Variants in SVIL observed in about 807,000 individuals in gnomAD.
SVIL encodes archvillin.
Under a neutral mutation model 240.4 loss-of-function variants are expected in SVIL, and 101 were observed. The observed-to-expected ratio is 0.42, with a 90% CI of 0.36 to 0.50. The LOEUF is 0.50. Among genes scored for constraint, SVIL ranks in the 20% least tolerant of loss-of-function variants. SVIL has a pLI of 0.01. For missense variants in SVIL, 2,512 were observed against 2,818.7 expected, an observed-to-expected ratio of 0.89 and a Z score of 2.46; for synonymous variants, 999 against 1,100.0, an observed-to-expected ratio of 0.91 and a Z score of 1.82.
rs190467860 is a variant in SVIL, at chr10:29,681,348, C to T, written c.-301+5205G>A. Among the ~76,000 whole-genome samples, 246 of 151,466 alleles carry T rather than the reference C, an allele frequency of 1.6e-3. 4 individuals carry two copies. The highest frequency in any genetic ancestry group is 0.012 in the South Asian group (57 of 4,750). ...TAGCTGGTGATGGAAAGAGAGTCTCCAGCCACCACAGCACAAAGCATGACA... is the reference window on the plus strand; with the variant it reads ...TAGCTGGTGATGGAAAGAGAGTCTCTAGCCACCACAGCACAAAGCATGACA... On this transcript the variant is annotated intron_variant, in intron 2 of 35. Transcript: ENST00000375400.
intron 2 of SVIL, among the ~76,000 whole-genome samples, chr10:29,663,929 G>A (rs1286868285): frequency 1.3e-5 from 2 of 152,172 alleles, no homozygotes; most frequent in East Asian, 1.9e-4. Flanking sequence ...TCAAGGAGAG[G>A]GAGCTAAAAT....
At position 29,457,947 on chromosome 10, in the gene SVIL, G is replaced by T; in HGVS notation, c.*300C>A. 4 of 200,228 alleles carry T rather than the reference G, an allele frequency of 2.0e-5. No homozygotes were observed. Among genetic ancestry groups the T allele is most frequent in the Non-Finnish European group, 2.9e-5 (3 of 102,148 alleles). The allele number at this position is 200,228 out of a possible 1,614,324, so 12.4% of individuals were successfully genotyped here. On this transcript the variant is annotated 3_prime_UTR_variant, in exon 38 of 38. Coordinates refer to ENST00000355867, the MANE Select transcript of SVIL (RefSeq NM_021738.3). ...TTCAAAAAAAAAAAAAAAAGGCATT[G>T]CCTAGCTGGAACAAGAAGGCAGTGC...
At position 29,544,785 on chromosome 10, in the gene SVIL, AGAATTGTCACTT is replaced by A. The variant is rs1952490553; in HGVS notation, c.827+5800_827+5811del. Among the ~76,000 whole-genome samples the A allele has an allele frequency of 2.6e-5, 4 of 151,202 alleles. No individual in the cohort carries two copies. In the South Asian group the frequency reaches 8.4e-4, roughly 32 times the overall value. Reference sequence around the variant, plus strand: ...AAAAAAAAAAAAAAAAAAAAGAATAAGAATTGTCACTTGACAATAAGAACAGGATGAAATGAA... The same window carrying A: ...AAAAAAAAAAAAAAAAAAAAGAATAAGACAATAAGAACAGGATGAAATGAA... On this transcript the variant is annotated intron_variant, in intron 6 of 37. Coordinates refer to ENST00000355867, the MANE Select transcript of SVIL (RefSeq NM_021738.3).
chr10:29,576,042 T>C, intron 1 of SVIL: 5 of 931,888 alleles, frequency 5.4e-6, no homozygotes, highest in Non-Finnish European at 6.4e-6. Context: ...TACAATAATA[T>C]GTGTTTTCCC....
chr10:29,608,210 G>T (rs181052882), intron 1 of SVIL, among the ~76,000 whole-genome samples: 1 of 152,200 alleles, frequency 6.6e-6, no homozygotes, highest in Non-Finnish European at 1.5e-5. Flanking sequence ...CTTCTCTGCT[G>T]CAAGAGGGAC....
chr10:29,545,949 T>C (rs939249441), intron 6 of SVIL, among the ~76,000 whole-genome samples: 14 of 151,742 alleles, frequency 9.2e-5, no homozygotes, highest in African/African-American at 3.1e-4. Flanking sequence ...GTCACATAGT[T>C]CCCTGAGAAC....
intron 1 of SVIL, among the ~76,000 whole-genome samples, chr10:29,597,505 C>T (rs1956641956): frequency 6.6e-6 from 1 of 152,072 alleles, no homozygotes; most frequent in Non-Finnish European, 1.5e-5. Context: ...GCAACCTCCA[C>T]CTCCTGGGTT....
chr10:29,729,862 G>T (rs142871899), intron 1 of SVIL, among the ~76,000 whole-genome samples: 3,339 of 137,754 alleles, frequency 0.024, 113 homozygotes, highest in African/African-American at 0.068. Flanking sequence ...AAAAAAAAAG[G>T]TGGCAATTGC....
chr10:29,606,613 C>T (rs999500963), intron 1 of SVIL, among the ~76,000 whole-genome samples: 1 of 152,056 alleles, frequency 6.6e-6, no homozygotes, highest in African/African-American at 2.4e-5. Context: ...TTATATGTAA[C>T]AAAATTAACA....
intron 3 of SVIL, among the ~76,000 whole-genome samples, chr10:29,562,412 T>C (rs1330479366): frequency 2.0e-5 from 3 of 152,210 alleles, no homozygotes; most frequent in East Asian, 3.8e-4. Flanking sequence ...AAGATGCTCA[T>C]GATAAAGTCT....
chr10:29,615,483 G>A (rs1375591330), intron 1 of SVIL, among the ~76,000 whole-genome samples: 1 of 152,192 alleles, frequency 6.6e-6, no homozygotes, highest in Non-Finnish European at 1.5e-5. Flanking sequence ...GCTAAAGCTG[G>A]TTATTCCTCG....
chr10:29,614,322 A>G (rs1320654041), intron 1 of SVIL, among the ~76,000 whole-genome samples: 1 of 152,186 alleles, frequency 6.6e-6, no homozygotes, highest in African/African-American at 2.4e-5. Context: ...TATATACACA[A>G]AGGATTATAA....
At chr10:29,598,826 T>C (rs972875938) in intron 1 of SVIL, among the ~76,000 whole-genome samples, 1 of 152,202 alleles carries the variant, frequency 6.6e-6, no homozygotes, top group African/African-American at 2.4e-5. Context: ...CCACAGCGGC[T>C]GTGTAGATGC....
At chr10:29,466,028 A>G (rs901075255) in intron 33 of SVIL, among the ~76,000 whole-genome samples, 2 of 152,204 alleles carry the variant, frequency 1.3e-5, no homozygotes, top group Non-Finnish European at 2.9e-5. Flanking sequence ...TAATACAGCA[A>G]CTAGTTAATA....
chr10:29,567,886 G>A lies in SVIL; in HGVS notation c.-143+1369C>T, dbSNP rs192575698. ...AAAAAAATTAGCTGGGCCTGGTGGC[G>A]GGTGCCTGTAGTCCCAGCCACTCGG... On this transcript the variant is annotated intron_variant, in intron 2 of 37. Coordinates refer to ENST00000355867, the MANE Select transcript of SVIL (RefSeq NM_021738.3). 7.5e-3 allele frequency among the ~76,000 whole-genome samples: 1,146 copies of A among 152,068 alleles called. 18 individuals carry two copies. Among genetic ancestry groups the A allele is most frequent in the African/African-American group, 0.025 (1,053 of 41,492 alleles).
chr10:29,615,174 G>A (rs911276222), intron 1 of SVIL, among the ~76,000 whole-genome samples: 13 of 152,038 alleles, frequency 8.6e-5, no homozygotes, highest in Admixed American at 7.9e-4. Context: ...TTAAGAAACA[G>A]ACCAAACAAT....
chr10:29,700,778 T>G (rs1962459853), intron 1 of SVIL, among the ~76,000 whole-genome samples: 2 of 152,028 alleles, frequency 1.3e-5, no homozygotes, highest in South Asian at 2.1e-4. Context: ...TGGCCACTAT[T>G]TCCATTCTTT....
chr10:29,629,697 T>C (rs1415977918), intron 1 of SVIL, among the ~76,000 whole-genome samples: 1 of 135,480 alleles, frequency 7.4e-6, no homozygotes, highest in African/African-American at 2.5e-5. Context: ...AAAATTAGAG[T>C]CCGGGCGTGG....
At chr10:29,506,766 C>T (rs113013126) in intron 17 of SVIL, among the ~76,000 whole-genome samples, 5,054 of 147,842 alleles carry the variant, frequency 0.034, 288 homozygotes, top group African/African-American at 0.12. Flanking sequence ...GGGACAGAGG[C>T]CCTAGAGGGA....
Sources: gnomAD v4.1 joint callset for allele counts (sites outside exome capture counted in the v4.1 genomes callset) on GRCh38, gnomAD v4.1.1 for gene constraint, MANE v1.5 for transcripts, NCBI Gene and HGNC (gene_info 2026-07-23, HGNC 2026-07-21) for gene names.